Variants in ERMAP observed in about 807,000 individuals in gnomAD.
The protein encoded by ERMAP is erythroid membrane-associated protein.
A neutral mutation model predicts 49.5 loss-of-function variants in ERMAP; 34 were observed. The ratio of observed to expected loss-of-function variants is 0.69; its 90% CI spans 0.52 to 0.91. The LOEUF (loss-of-function observed/expected upper bound fraction) is 0.91. Among genes scored for constraint, ERMAP ranks in the 40% least tolerant of loss-of-function variants. The pLI is 0.00. For missense variants in ERMAP, 541 were observed against 582.6 expected (o/e 0.93, Z 0.74); for synonymous variants, 214 against 232.2 (o/e 0.92, Z 0.71).
Position 42,843,611 on chromosome 1 carries a change from G to A in ERMAP, c.*379G>A. ...CTCAAGCTTTAGTCAAGAAGTTATGGCCCCCAGTCCCTGACTTCTTACTTA... is the reference window on the plus strand; with the variant it reads ...CTCAAGCTTTAGTCAAGAAGTTATGACCCCCAGTCCCTGACTTCTTACTTA... On this transcript the variant is annotated 3_prime_UTR_variant, in exon 12 of 12. Coordinates refer to ENST00000372517, the MANE Select transcript of ERMAP (RefSeq NM_001017922.2). The A allele has an allele frequency of 5.2e-6, 1 of 190,528 alleles. No homozygotes were observed. The highest frequency in any genetic ancestry group is 1.1e-5 in the Non-Finnish European group (1 of 94,524). 11.8% of individuals were successfully genotyped at this position (190,528 alleles called of 1,614,324 possible). A position where few individuals can be genotyped will look rare whatever the true frequency, so the allele number is the denominator to read the frequency against.
intron 4 of ERMAP, among the ~76,000 whole-genome samples, chr1:42,831,573 C>CT (rs1557609257): frequency 3.4e-5 from 1 of 29,390 alleles, no homozygotes; most frequent in Non-Finnish European, 6.4e-5. Flanking sequence ...TTTTTTTTTT[C>CT]TCTTTTTTTT....
At chr1:42,818,631 C>G (rs545803102) in intron 1 of ERMAP, among the ~76,000 whole-genome samples, 1 of 152,096 alleles carries the variant, frequency 6.6e-6, no homozygotes, top group Non-Finnish European at 1.5e-5. Context: ...TCATGCCTGG[C>G]TAATTTTTTA....
chr1:42,835,303 G>C, intron 5 of ERMAP, 149 bp downstream of exon 5: 1 of 637,856 alleles, frequency 1.6e-6, no homozygotes, highest in East Asian at 2.7e-5. Context: ...GTAGAGCCAT[G>C]CCCTGGGGAC....
chr1:42,825,643 T>G lies in ERMAP; in HGVS notation c.-101T>G, dbSNP rs1293380756. ...CCTAGGCCTTCCTGATGCGCTTGCC[T>G]GCTCCCTGGTCTCTCTGCATGGGGA... is the stretch of plus-strand genomic sequence containing the variant. On this transcript the variant is annotated 5_prime_UTR_variant, in exon 2 of 12. Coordinates refer to ENST00000372517, the MANE Select transcript of ERMAP (RefSeq NM_001017922.2). The G allele has an allele frequency of 1.0e-5, 13 of 1,289,166 alleles. No individual in the cohort carries two copies. The South Asian group carries it at 1.4e-4, about 13-fold the overall frequency. 79.9% of individuals were successfully genotyped at this position (1,289,166 alleles called of 1,614,324 possible).
intron 6 of ERMAP, among the ~76,000 whole-genome samples, chr1:42,836,075 T>C (rs1033877195): frequency 3.9e-5 from 6 of 152,060 alleles, no homozygotes; most frequent in African/African-American, 1.4e-4. Flanking sequence ...ATCTACAAAA[T>C]GCCCTGGACA....
chr1:42,838,821 G>C (rs1654976459), intron 7 of ERMAP, 80 bp from the exon 8 acceptor site: 1 of 1,597,568 alleles, frequency 6.3e-7, no homozygotes. Context: ...TTGTGGGTTG[G>C]AGTGATGAGG....
intron 4 of ERMAP, 132 bp from the exon 5 acceptor site, chr1:42,834,906 C>T (rs1654847670): frequency 1.5e-6 from 1 of 668,938 alleles, no homozygotes; most frequent in African/African-American, 1.8e-5. Context: ...AAGCAAAGAG[C>T]CTCTTGGCCG....
intron 1 of ERMAP, chr1:42,824,771 T>C (rs1654495105): frequency 6.6e-6 from 1 of 152,228 alleles, no homozygotes; most frequent in African/African-American, 2.4e-5. Context: ...CTGGAGCATT[T>C]TGTCTTGACT....
In ERMAP at chr1:42,825,680, C is replaced by T. The variant is rs1415835526; in HGVS notation, c.-64C>T. The stretch of plus-strand genomic sequence containing the variant: ...TCTCTGCATGGGGAAGGAGTGTTCC[C>T]AGCTTGCAAACTCCAGCTTTGCCTG... On this transcript the variant is annotated 5_prime_UTR_variant, in exon 2 of 12. An upstream open reading frame in the 5' UTR gains an earlier in-frame stop. Transcript: ENST00000372517. 5 of 1,289,302 alleles carry T rather than the reference C, an allele frequency of 3.9e-6. No homozygotes were observed. In the Admixed American group the frequency reaches 9.2e-5, roughly 24 times the overall value. 79.9% of individuals were successfully genotyped at this position (1,289,302 alleles called of 1,614,324 possible).
chr1:42,827,222 T>A (rs1654580728), intron 2 of ERMAP, among the ~76,000 whole-genome samples: 2 of 152,210 alleles, frequency 1.3e-5, no homozygotes, highest in Non-Finnish European at 2.9e-5. Context: ...CAGACTGGAG[T>A]GCAGGGGCGT....
chr1:42,836,108 T>C (rs1194945668), intron 6 of ERMAP, among the ~76,000 whole-genome samples: 2 of 151,910 alleles, frequency 1.3e-5, no homozygotes, highest in East Asian at 1.9e-4. Context: ...GGGGATGCAA[T>C]AGTGAGTAAA....
At position 42,819,317 on chromosome 1, in the gene ERMAP, G is replaced by A. The variant is rs1654346404; in HGVS notation, c.-122+2064G>A. Among the ~76,000 whole-genome samples the A allele has an allele frequency of 6.6e-6, 1 of 152,048 alleles. No homozygotes were observed. The highest frequency in any genetic ancestry group is 1.5e-5 in the Non-Finnish European group (1 of 68,020). On this transcript the variant is annotated intron_variant, in intron 1 of 11. Transcript: ENST00000372517. The surrounding 1 kb of genome is among the most constrained non-coding windows in gnomAD (Gnocchi z 5.1). ...CAATTAGAAGATTTCAGAAAAGAAC[G>A]GAACTGGAGATACCAGTTTGGGATT... is the stretch of plus-strand genomic sequence containing the variant.
Position 42,830,957 on chromosome 1 carries a change from C to T in ERMAP, c.275C>T (p.Pro92Leu), listed in dbSNP as rs779076532. 6.8e-6 allele frequency: 11 copies of T among 1,614,018 alleles called. No individual in the cohort carries two copies. The highest frequency in any genetic ancestry group is 4.5e-5 in the East Asian group (2 of 44,890). ...DGKDQDEDLMPEYKGRTVLVR... is the reference protein window; with the variant it reads ...DGKDQDEDLMLEYKGRTVLVR... ...AAGGACCAGGATGAAGATCTGATGC[C>T]GGAATATAAGGGGAGGACGGTGCTA... Residue 92 changes from proline to leucine, a missense_variant, in exon 4 of 12, where the codon CCG becomes CTG. By Grantham distance (98) the Pro-to-Leu change is moderately conservative. Coordinates refer to ENST00000372517, the MANE Select transcript of ERMAP (RefSeq NM_001017922.2).
In ERMAP at chr1:42,830,907, G is replaced by A; in HGVS notation, c.225G>A (p.Gln75=). The change falls in exon 4 of 12, where the codon CAG becomes CAA. Residue 75 remains glutamine (Q), a synonymous_variant. Coordinates refer to ENST00000372517, the MANE Select transcript of ERMAP (RefSeq NM_001017922.2). The part of the protein sequence containing the change: ...WLRSPFPQRS[Q]AVHIFRDGKD... ...GGTCCCCATTCCCGCAGCGCTCCCA[G>A]GCTGTTCACATATTCCGGGATGGGA... The A allele has an allele frequency of 6.2e-7, 1 of 1,614,150 alleles. No individual in the cohort carries two copies. The highest frequency in any genetic ancestry group is 8.5e-7 in the Non-Finnish European group (1 of 1,180,000).
At chr1:42,821,744 G>A (rs1284476946) in intron 1 of ERMAP, among the ~76,000 whole-genome samples, 1 of 152,134 alleles carries the variant, frequency 6.6e-6, no homozygotes, top group Non-Finnish European at 1.5e-5. Context: ...GGGTGTGGTG[G>A]TTCATGCCTG....
Position 42,830,881 on chromosome 1 carries a change from C to T in ERMAP, c.199C>T (p.Arg67Trp), listed in dbSNP as rs771020983. 23 of 1,613,330 alleles carry T rather than the reference C, an allele frequency of 1.4e-5. No individual in the cohort carries two copies. The highest frequency in any genetic ancestry group is 1.9e-5 in the Non-Finnish European group (22 of 1,179,666). Residue 67 changes from arginine to tryptophan, a missense_variant, in exon 4 of 12, where the codon CGG becomes TGG. Physicochemically the swap from Arg to Trp is moderately radical, Grantham distance 101. Transcript: ENST00000372517. ...GGTACCCAAGGAGGTGAGGTGGCTG[C>T]GGTCCCCATTCCCGCAGCGCTCCCA... ...GTVPKEVRWL[R>W]SPFPQRSQAV... is the part of the protein sequence containing the mutation.
chr1:42,817,294 C>T, intron 1 of ERMAP, 41 bp downstream of exon 1: 2 of 1,206,064 alleles, frequency 1.7e-6, no homozygotes, highest in African/African-American at 1.6e-5. Context: ...CCAGCGCTGC[C>T]TGCCCACCGC....
At position 42,835,832 on chromosome 1, in the gene ERMAP, C is replaced by T. The variant is rs1654881171; in HGVS notation, c.583+68C>T. The stretch of plus-strand genomic sequence containing the variant: ...TTGTTAATTTCTGTGCCCCCCATAC[C>T]CACTAACCTGGATTCTGTTCCTGAA... On this transcript the variant is annotated intron_variant, in intron 6 of 11. Transcript: ENST00000372517. The T allele has an allele frequency of 2.7e-5, 42 of 1,554,526 alleles. No individual in the cohort carries two copies. In the South Asian group the frequency reaches 5.1e-4, roughly 19 times the overall value.
At chr1:42,829,610 G>A (rs908314586) in intron 2 of ERMAP, among the ~76,000 whole-genome samples, 9 of 152,172 alleles carry the variant, frequency 5.9e-5, no homozygotes, top group Middle Eastern at 3.2e-3. Context: ...TCATGCACAC[G>A]GTCATCTGGA....
Sources: gnomAD v4.1 joint callset for allele counts (sites outside exome capture counted in the v4.1 genomes callset) on GRCh38, gnomAD v4.1.1 for gene constraint, Gnocchi (gnomAD v3.1) non-coding constraint, MANE v1.5 for transcripts, NCBI Gene and HGNC (gene_info 2026-07-23, HGNC 2026-07-21) for gene names.